Variants in HBS1L observed in about 807,000 individuals in gnomAD.
HBS1L encodes the protein HBS1-like protein.
Under a neutral mutation model 88.9 loss-of-function variants are expected in HBS1L, and 55 were observed. That is an observed-to-expected ratio of 0.62 (90% CI 0.50 to 0.77). The LOEUF is 0.77. HBS1L is among the 30% of genes least tolerant of loss of function. HBS1L has a pLI of 0.00. For missense variants in HBS1L, 741 were observed against 829.3 expected, an observed-to-expected ratio of 0.89 and a Z score of 1.31; for synonymous variants, 267 against 288.5, an observed-to-expected ratio of 0.93 and a Z score of 0.76.
Position 134,966,333 on chromosome 6 carries a change from G to A in HBS1L, c.2039C>T (p.Thr680Ile). The A allele has an allele frequency of 3.7e-6, 6 of 1,608,110 alleles. No homozygotes were observed. Among genetic ancestry groups the A allele is most frequent in the Non-Finnish European group, 5.1e-6 (6 of 1,177,444 alleles). ...AGTCACTTTAAAATAAAATACCTCAGTGACAACACCAGCAGCTATTGTAGA... is the reference window on the plus strand; with the variant it reads ...AGTCACTTTAAAATAAAATACCTCAATGACAACACCAGCAGCTATTGTAGA... The part of the protein sequence containing the change: ...GGSTIAAGVV[T>I]EIKE Residue 680 changes from threonine (T) to isoleucine (I), a missense_variant, in exon 17 of 18, where the codon ACT becomes ATT. By Grantham distance (89) the Thr-to-Ile change is moderately conservative. Transcript: ENST00000367837.
At chr6:135,020,913 C>T (rs1375977548) in intron 4 of HBS1L, among the ~76,000 whole-genome samples, 1 of 151,768 alleles carries the variant, frequency 6.6e-6, no homozygotes, top group Non-Finnish European at 1.5e-5. Flanking sequence ...TAATGTTGCA[C>T]ATGATTAAGT....
At chr6:134,986,550 T>C (rs748355844) in intron 10 of HBS1L, among the ~76,000 whole-genome samples, 186 bp downstream of exon 10, 10 of 151,976 alleles carry the variant, frequency 6.6e-5, no homozygotes, top group Non-Finnish European at 1.3e-4. Context: ...AACCCAAATA[T>C]TAAACATATG....
chr6:134,990,545 C>T (rs1359178154), intron 8 of HBS1L, among the ~76,000 whole-genome samples: 1 of 152,156 alleles, frequency 6.6e-6, no homozygotes, highest in African/African-American at 2.4e-5. Context: ...AAATCCTTTC[C>T]CACCATAATT....
chr6:135,013,858 G>C (rs1775841595), intron 4 of HBS1L, among the ~76,000 whole-genome samples: 1 of 152,082 alleles, frequency 6.6e-6, no homozygotes, highest in Admixed American at 6.5e-5. Flanking sequence ...TTGGTATCTA[G>C]ATTACTTATA....
At chr6:135,014,698 C>A (rs1446507111) in intron 4 of HBS1L, among the ~76,000 whole-genome samples, 1 of 151,908 alleles carries the variant, frequency 6.6e-6, no homozygotes, top group African/African-American at 2.4e-5. Context: ...AATATAGACA[C>A]ATTTGGTCAG....
At chr6:134,990,187 T>G (rs931269222) in intron 8 of HBS1L, among the ~76,000 whole-genome samples, 1 of 152,166 alleles carries the variant, frequency 6.6e-6, no homozygotes, top group African/African-American at 2.4e-5. Context: ...CTCCAAAAAA[T>G]TACTGGGAAA....
intron 4 of HBS1L, among the ~76,000 whole-genome samples, chr6:135,016,980 G>C (rs956555131): frequency 6.6e-6 from 1 of 151,836 alleles, no homozygotes; most frequent in African/African-American, 2.4e-5. Flanking sequence ...ATGTGTCCTG[G>C]GACAGAAAAA....
At chr6:135,016,245 C>A (rs961172878) in intron 4 of HBS1L, among the ~76,000 whole-genome samples, 1 of 152,142 alleles carries the variant, frequency 6.6e-6, no homozygotes, top group Non-Finnish European at 1.5e-5. Context: ...GTGAGGTTAA[C>A]CATCATTAAC....
At chr6:134,975,804 A>T (rs1163014967) in intron 15 of HBS1L, among the ~76,000 whole-genome samples, 1 of 152,142 alleles carries the variant, frequency 6.6e-6, no homozygotes, top group Non-Finnish European at 1.5e-5. Flanking sequence ...AAACCATGGA[A>T]ATTCTGGAGG....
rs765377770 is a variant in HBS1L at position 134,962,132 on chromosome 6, G to A, written c.*3147C>T. ...CTATAAATATTTTAGAGGGAAATTA[G>A]AAGATGATTCAGTAGTTTGTATTGG... On this transcript the variant is annotated 3_prime_UTR_variant, in exon 18 of 18. Coordinates refer to ENST00000367837, the MANE Select transcript of HBS1L (RefSeq NM_006620.4). 2.6e-5 allele frequency: 4 copies of A among 152,156 alleles called. No homozygotes were observed. The highest frequency in any genetic ancestry group is 6.5e-5 in the Admixed American group (1 of 15,280). The allele number at this position is 152,156 out of a possible 1,614,324, so 9.4% of individuals were successfully genotyped here.
chr6:134,997,981 G>C (rs971775847), intron 5 of HBS1L, among the ~76,000 whole-genome samples: 8 of 152,160 alleles, frequency 5.3e-5, no homozygotes, highest in Non-Finnish European at 1.0e-4. Flanking sequence ...TGGTATGAAG[G>C]AGATATTTTG....
chr6:135,002,817 C>T lies in HBS1L; in HGVS notation c.456G>A (p.Ser152=), dbSNP rs1775500262. 3.1e-6 allele frequency: 5 copies of T among 1,612,488 alleles called. No homozygotes were observed. Among genetic ancestry groups the T allele is most frequent in the Non-Finnish European group, 3.4e-6 (4 of 1,178,948 alleles). The stretch of plus-strand genomic sequence containing the variant: ...TTGGCACAATTTCAGATTCACTTCG[C>T]GATGTCTGGGAATCTACTGGTTTTC... ...AKGKPVDSQT[S]RSESEIVPKV... The change falls in exon 5 of 18, where the codon TCG becomes TCA. Residue 152 remains serine, a synonymous_variant. Coordinates refer to ENST00000367837, the MANE Select transcript of HBS1L (RefSeq NM_006620.4).
intron 2 of HBS1L, among the ~76,000 whole-genome samples, chr6:135,049,854 G>A (rs1299349999): frequency 6.6e-6 from 1 of 152,224 alleles, no homozygotes; most frequent in African/African-American, 2.4e-5. Context: ...TTACAGGCGT[G>A]AGCCATCGTA....
rs377077421 is a variant in HBS1L, at chr6:135,052,042, G to C, written c.44-1395C>G. On this transcript the variant is annotated intron_variant, in intron 1 of 17. Coordinates refer to ENST00000367837, the MANE Select transcript of HBS1L (RefSeq NM_006620.4). ...ACTAGAACCGGGAGTGGGGCAGCTA[G>C]GGAAAGATCCCCATTAATATAATAT... Among the ~76,000 whole-genome samples, 9 of 152,302 alleles carry C rather than the reference G, an allele frequency of 5.9e-5. No homozygotes were observed. In the East Asian group the frequency reaches 1.7e-3, roughly 29 times the overall value.
intron 2 of HBS1L, among the ~76,000 whole-genome samples, chr6:135,043,430 A>G (rs1776812781): frequency 6.6e-6 from 1 of 152,212 alleles, no homozygotes. Context: ...TAGATATACA[A>G]TCACATTGAG....
chr6:134,998,726 A>C (rs1381866257), intron 5 of HBS1L, among the ~76,000 whole-genome samples: 1 of 152,230 alleles, frequency 6.6e-6, no homozygotes, highest in Non-Finnish European at 1.5e-5. Flanking sequence ...TTATATGCCC[A>C]ACATTAGCCC....
chr6:135,046,206 C>G (rs1046158325), intron 2 of HBS1L, among the ~76,000 whole-genome samples: 3 of 151,790 alleles, frequency 2.0e-5, no homozygotes, highest in African/African-American at 4.8e-5. Flanking sequence ...TAGCTTCAAT[C>G]CCACCTCCTT....
intron 1 of HBS1L, among the ~76,000 whole-genome samples, chr6:135,053,465 T>C (rs915085533): frequency 3.9e-5 from 6 of 152,210 alleles, no homozygotes; most frequent in African/African-American, 1.2e-4. Context: ...ATGTACTTTA[T>C]ATTTGCAAAA....
In HBS1L at chr6:134,979,218, C is replaced by T; in HGVS notation, c.1648G>A (p.Val550Ile). The change falls in exon 14 of 18, where the codon GTT (valine) becomes ATT (isoleucine). Residue 550 changes from valine to isoleucine, a missense_variant. Transcript: ENST00000367837. ...PVDWAAAGDH[V>I]SLTLVGMDII... ...TCCATCCCAACCAAAGTAAGACTAA[C>T]ATGATCGCCTGCTGCCGCCCAGTCG... is the stretch of plus-strand genomic sequence containing the variant. 1.9e-6 allele frequency: 3 copies of T among 1,612,260 alleles called. No individual in the cohort carries two copies. Among genetic ancestry groups the T allele is most frequent in the Non-Finnish European group, 2.5e-6 (3 of 1,178,706 alleles).
Sources: allele counts gnomAD v4.1 joint callset (sites outside exome capture counted in the v4.1 genomes callset), GRCh38; gene constraint gnomAD v4.1.1; transcripts MANE v1.5; gene names NCBI Gene and HGNC (gene_info 2026-07-23, HGNC 2026-07-21).